The following FSTL5 variants were observed in gnomAD, a reference collection of about 807,000 sequenced individuals.
The protein encoded by FSTL5 is follistatin-related protein 5.
A neutral mutation model predicts 89.1 loss-of-function variants in FSTL5; 62 were observed. That is an observed-to-expected ratio of 0.70 (90% CI 0.57 to 0.86). The LOEUF is 0.86. FSTL5 is among the 40% of genes least tolerant of loss of function. The pLI, the probability that FSTL5 is intolerant of heterozygous loss-of-function variation, is 0.00. For synonymous variants in FSTL5, 383 were observed against 346.2 expected (o/e 1.11, Z -1.18); for missense variants, 1,057 against 1,001.6 (o/e 1.06, Z -0.75).
Position 161,860,217 on chromosome 4 carries a change from G to A in FSTL5, c.409+60187C>T, listed in dbSNP as rs543356904. ...GCAGGAGAATGGCGTGAACCCGGGAGGCGGAGCTTGCAGTGAGAGGAGATC... is the reference window on the plus strand; with the variant it reads ...GCAGGAGAATGGCGTGAACCCGGGAAGCGGAGCTTGCAGTGAGAGGAGATC... On this transcript the variant is annotated intron_variant, in intron 4 of 15. Coordinates refer to ENST00000306100, the MANE Select transcript of FSTL5 (RefSeq NM_020116.5). Among the ~76,000 whole-genome samples the A allele has an allele frequency of 8.5e-5, 13 of 152,206 alleles. No homozygotes were observed. In the East Asian group the frequency reaches 2.3e-3, roughly 27 times the overall value.
At chr4:161,888,303 A>T (rs1007195690) in intron 4 of FSTL5, among the ~76,000 whole-genome samples, 2 of 152,036 alleles carry the variant, frequency 1.3e-5, no homozygotes, top group Non-Finnish European at 2.9e-5. Context: ...TCCCTTGCCC[A>T]TTCACTTGGT....
At chr4:161,661,294 A>G (rs949070961) in intron 6 of FSTL5, among the ~76,000 whole-genome samples, 2 of 152,104 alleles carry the variant, frequency 1.3e-5, no homozygotes, top group Admixed American at 6.6e-5. Context: ...ATTTCATTAA[A>G]TCTGTTTAAA....
At chr4:161,430,963 G>T (rs1732343703) in intron 15 of FSTL5, among the ~76,000 whole-genome samples, 1 of 151,234 alleles carries the variant, frequency 6.6e-6, no homozygotes, top group African/African-American at 2.4e-5. Context: ...ATATGTAGCA[G>T]AAATACCCTT....
At chr4:162,031,886 C>T (rs1976059) in intron 3 of FSTL5, among the ~76,000 whole-genome samples, 14,697 of 151,928 alleles carry the variant, frequency 0.097, 838 homozygotes, top group Non-Finnish European at 0.13. Context: ...TGCAGTGAGA[C>T]GAGATAGCAC....
chr4:161,992,617 C>T (rs1184773524), intron 3 of FSTL5, among the ~76,000 whole-genome samples: 1 of 151,232 alleles, frequency 6.6e-6, no homozygotes, highest in Non-Finnish European at 1.5e-5. Flanking sequence ...CCAAGACAGG[C>T]GGATCACTGG....
rs202200393 is a variant in FSTL5, at chr4:161,789,173, C to CT, written c.410-13100dup. On this transcript the variant is annotated intron_variant, in intron 4 of 15. Coordinates refer to ENST00000306100, the MANE Select transcript of FSTL5 (RefSeq NM_020116.5). ...AGTAATATTTTATTTTCTTAAATTA[C>CT]TTTTTTTTCCTCTTAGGCTCTATAA... is the stretch of plus-strand genomic sequence containing the variant. 2.0e-3 allele frequency among the ~76,000 whole-genome samples: 306 copies of CT among 151,814 alleles called. 2 individuals carry two copies. Among genetic ancestry groups the CT allele is most frequent in the African/African-American group, 6.8e-3 (280 of 41,444 alleles).
chr4:161,703,431 G>C (rs187919252), intron 6 of FSTL5, among the ~76,000 whole-genome samples: 1 of 151,994 alleles, frequency 6.6e-6, no homozygotes, highest in African/African-American at 2.4e-5. Flanking sequence ...TGTTCCTGGT[G>C]GTCTTTAAGT....
chr4:161,598,154 A>C (rs986219885), intron 7 of FSTL5, among the ~76,000 whole-genome samples: 4 of 150,780 alleles, frequency 2.7e-5, no homozygotes, highest in African/African-American at 9.8e-5. Flanking sequence ...GGTAGATCTC[A>C]AACTGAAGTC....
In FSTL5 at chr4:162,068,175, G is replaced by A. The variant is rs551226413; in HGVS notation, c.127-34517C>T. 1.2e-3 allele frequency among the ~76,000 whole-genome samples: 190 copies of A among 152,014 alleles called. 1 individual carries two copies. Among genetic ancestry groups the A allele is most frequent in the Admixed American group, 4.8e-3 (73 of 15,256 alleles). On this transcript the variant is annotated intron_variant, in intron 2 of 15. Transcript: ENST00000306100. The stretch of plus-strand genomic sequence containing the variant: ...CTATTCCCATTAAACTTCCATTGAC[G>A]TTCTTCACAGAATTAGAAAAAACTA...
At chr4:161,432,249 C>T (rs942167496) in intron 15 of FSTL5, among the ~76,000 whole-genome samples, 1 of 152,134 alleles carries the variant, frequency 6.6e-6, no homozygotes, top group Admixed American at 6.5e-5. Context: ...GATATAATAT[C>T]AAAGATCTTC....
chr4:162,138,806 C>T (rs1287771620), intron 1 of FSTL5, among the ~76,000 whole-genome samples: 1 of 151,988 alleles, frequency 6.6e-6, no homozygotes, highest in Non-Finnish European at 1.5e-5. Context: ...ACATGCAACA[C>T]AAAATCGAAA....
At chr4:161,614,624 T>C (rs1578968194) in intron 7 of FSTL5, among the ~76,000 whole-genome samples, 1 of 152,210 alleles carries the variant, frequency 6.6e-6, no homozygotes, top group East Asian at 1.9e-4. Flanking sequence ...TGTTGCATGA[T>C]ACATGCACAT....
chr4:161,747,016 C>T (rs1740225232), intron 6 of FSTL5, among the ~76,000 whole-genome samples: 1 of 152,178 alleles, frequency 6.6e-6, no homozygotes, highest in Non-Finnish European at 1.5e-5. Flanking sequence ...GAATTCATCC[C>T]TGTGGGTGGT....
At chr4:162,109,057 C>T (rs768763717) in intron 2 of FSTL5, among the ~76,000 whole-genome samples, 1 of 151,928 alleles carries the variant, frequency 6.6e-6, no homozygotes, top group Non-Finnish European at 1.5e-5. Flanking sequence ...ATGTTTTTGG[C>T]TTGTCATTTT....
chr4:161,958,194 T>C (rs1461095312), intron 3 of FSTL5, among the ~76,000 whole-genome samples: 2 of 152,042 alleles, frequency 1.3e-5, no homozygotes, highest in African/African-American at 4.8e-5. Context: ...TTTAGTTATA[T>C]CTTCTATATT....
At chr4:161,959,113 T>C (rs1372525453) in intron 3 of FSTL5, among the ~76,000 whole-genome samples, 4 of 152,146 alleles carry the variant, frequency 2.6e-5, no homozygotes, top group Non-Finnish European at 5.9e-5. Context: ...TCTTAACATA[T>C]GTTTTAAGTA....
intron 1 of FSTL5, among the ~76,000 whole-genome samples, chr4:162,139,869 A>G (rs1049242132): frequency 6.6e-6 from 1 of 152,146 alleles, no homozygotes; most frequent in Non-Finnish European, 1.5e-5. Context: ...GAGTAAAAAG[A>G]CATGGTACAA....
At chr4:161,480,249 A>G (rs1324155128) in intron 13 of FSTL5, among the ~76,000 whole-genome samples, 2 of 152,222 alleles carry the variant, frequency 1.3e-5, no homozygotes, top group Admixed American at 6.5e-5. Context: ...ATAACTTCGT[A>G]AGATACATAT....
intron 6 of FSTL5, among the ~76,000 whole-genome samples, chr4:161,685,904 G>A (rs1737693682): frequency 6.6e-6 from 1 of 152,046 alleles, no homozygotes; most frequent in South Asian, 2.1e-4. Flanking sequence ...GTCATAGTTG[G>A]CTTTTATTAC....
Sources: gnomAD v4.1 joint callset for allele counts (sites outside exome capture counted in the v4.1 genomes callset) on GRCh38, gnomAD v4.1.1 for gene constraint, MANE v1.5 for transcripts, NCBI Gene and HGNC (gene_info 2026-07-23, HGNC 2026-07-21) for gene names.